Variants in BNIPL observed in about 807,000 individuals in gnomAD.
BNIPL encodes the protein bcl-2/adenovirus E1B 19 kDa-interacting protein 2-like protein.
A neutral mutation model predicts 47.0 loss-of-function variants in BNIPL; 33 were observed. The ratio of observed to expected loss-of-function variants is 0.70; its 90% confidence interval spans 0.53 to 0.94. The LOEUF is 0.94. Among genes scored for constraint, BNIPL ranks in the 40% least tolerant of loss-of-function variants. The pLI, the probability that BNIPL is intolerant of heterozygous loss-of-function variation, is 0.00. For synonymous variants in BNIPL, 145 were observed against 162.7 expected (o/e 0.89, Z 0.83); for missense variants, 404 against 445.2 (o/e 0.91, Z 0.83).
In BNIPL at chr1:151,036,655, T is replaced by G; in HGVS notation, c.-71T>G. On this transcript the variant is annotated 5_prime_UTR_variant, in exon 1 of 10. Coordinates refer to ENST00000368931, the MANE Select transcript of BNIPL (RefSeq NM_138278.4). ...AGACAGAAAAGAGGTAAGGAAGTGT[T>G]GGGGGCTGGGACAACCAGCTCCCCA... 1 of 1,382,812 alleles carries G rather than the reference T, an allele frequency of 7.2e-7. No homozygotes were observed. The highest frequency in any genetic ancestry group is 1.0e-6 in the Non-Finnish European group (1 of 970,242). 85.7% of individuals were successfully genotyped at this position (1,382,812 alleles called of 1,614,324 possible). A position where few individuals can be genotyped will look rare whatever the true frequency, so the allele number is the denominator to read the frequency against.
chr1:151,036,617 GC>G lies in BNIPL; in HGVS notation c.-108del, dbSNP rs954112023. 2.0e-4 allele frequency: 214 copies of G among 1,048,684 alleles called. No homozygotes were observed. The highest frequency in any genetic ancestry group is 4.3e-5 in the Non-Finnish European group (29 of 674,704). The allele number at this position is 1,048,684 out of a possible 1,614,324, so 65.0% of individuals were successfully genotyped here. The stretch of plus-strand genomic sequence containing the variant: ...CACACCTCCCTCCTTGGAGGCAAGA[GC>G]TACAACAGCTGAGACAGAAAAGAGG... On this transcript the variant is annotated 5_prime_UTR_variant, in exon 1 of 10. Transcript: ENST00000368931.
At chr1:151,041,025 T>A (rs962182495) in intron 4 of BNIPL, among the ~76,000 whole-genome samples, 14 of 150,676 alleles carry the variant, frequency 9.3e-5, no homozygotes, top group African/African-American at 1.5e-4. Context: ...ACAAAAAAAA[T>A]TTTTTTTAAA....
In BNIPL at chr1:151,036,653, G is replaced by A; in HGVS notation, c.-73G>A. 1 of 1,370,856 alleles carries A rather than the reference G, an allele frequency of 7.3e-7. No individual in the cohort carries two copies. The highest frequency in any genetic ancestry group is 1.2e-5 in the South Asian group (1 of 86,022). The allele number at this position is 1,370,856 out of a possible 1,614,324, so 84.9% of individuals were successfully genotyped here. On this transcript the variant is annotated 5_prime_UTR_variant, in exon 1 of 10. Transcript: ENST00000368931. ...TGAGACAGAAAAGAGGTAAGGAAGT[G>A]TTGGGGGCTGGGACAACCAGCTCCC... is the stretch of plus-strand genomic sequence containing the variant.
At position 151,043,317 on chromosome 1, in the gene BNIPL, C is replaced by T. The variant is rs1175658517; in HGVS notation, c.617-15C>T. The T allele has an allele frequency of 6.4e-7, 1 of 1,573,930 alleles. No individual in the cohort carries two copies. Among genetic ancestry groups the T allele is most frequent in the Non-Finnish European group, 8.7e-7 (1 of 1,143,670 alleles). On this transcript the variant is annotated splice_polypyrimidine_tract_variant and intron_variant, in intron 5 of 9. Coordinates refer to ENST00000368931, the MANE Select transcript of BNIPL (RefSeq NM_138278.4). ...TATTTGTTGACCAAATGAATTTTCC[C>T]CTTACACTCTCCAGGTTACCACGGT...
chr1:151,039,929 T>G (rs191449537), intron 4 of BNIPL, among the ~76,000 whole-genome samples: 270 of 152,250 alleles, frequency 1.8e-3, no homozygotes, highest in Non-Finnish European at 3.1e-3. Flanking sequence ...TTTTATATTT[T>G]TAGTAGAGAT....
chr1:151,045,289 A>AAAAAAAC, intron 7 of BNIPL, among the ~76,000 whole-genome samples: 1 of 120,774 alleles, frequency 8.3e-6, no homozygotes, highest in African/African-American at 3.4e-5. Flanking sequence ...AAAAAAAAAA[A>AAAAAAAC]ATCCGGGCGC....
intron 4 of BNIPL, 137 bp from the exon 5 acceptor site, chr1:151,042,819 A>C: frequency 3.0e-6 from 2 of 660,966 alleles, no homozygotes; most frequent in Non-Finnish European, 4.4e-6. Flanking sequence ...GTCTCAAAAA[A>C]AAGGAAAAAA....
At chr1:151,037,766 C>A (rs143226373) in intron 2 of BNIPL, 104 bp downstream of exon 2, 11 of 957,156 alleles carry the variant, frequency 1.1e-5, no homozygotes, top group Admixed American at 2.1e-5. Flanking sequence ...TTTGGGTGGC[C>A]GAGGCGGGTG....
chr1:151,046,280 C>T lies in BNIPL; in HGVS notation c.1037+115C>T, dbSNP rs1487608807. ...ACGAAAAGCTAGAGGGCCCTGTTTT[C>T]GGGTGCTTTAATGTATATGGGGAAA... On this transcript the variant is annotated intron_variant, in intron 9 of 9. Transcript: ENST00000368931. The T allele has an allele frequency of 1.2e-5, 17 of 1,468,894 alleles. No individual in the cohort carries two copies. The South Asian group carries it at 1.2e-4, about 10-fold the overall frequency. 91.0% of individuals were successfully genotyped at this position (1,468,894 alleles called of 1,614,324 possible).
chr1:151,046,110 G>T lies in BNIPL; in HGVS notation c.982G>T (p.Glu328Ter). 1 of 1,614,148 alleles carries T rather than the reference G, an allele frequency of 6.2e-7. No homozygotes were observed. The highest frequency in any genetic ancestry group is 8.5e-7 in the Non-Finnish European group (1 of 1,180,036). The change falls in exon 9 of 10, where the codon GAG (glutamate) becomes TAG (stop). Residue 328 changes from glutamate to a stop codon, truncating the protein, a stop_gained. Coordinates refer to ENST00000368931, the MANE Select transcript of BNIPL (RefSeq NM_138278.4). LOFTEE classifies it high-confidence loss of function. ...AATCCGTTTTCTGGACAGCCTGGGG[G>T]AGCTGGCCCAACTCATATCCCTGGA... ...RKIRFLDSLG[E>*]LAQLISLDQV...
intron 7 of BNIPL, chr1:151,044,966 G>A: frequency 7.8e-7 from 1 of 1,284,568 alleles, no homozygotes; most frequent in Non-Finnish European, 1.0e-6. Context: ...TGGAAATGGA[G>A]CAGAAAAAGA....
Position 151,043,110 on chromosome 1 carries a change from G to A in BNIPL, c.588G>A (p.Glu196=), listed in dbSNP as rs1169539017. The A allele has an allele frequency of 6.2e-7, 1 of 1,613,428 alleles. No homozygotes were observed. Residue 196 remains glutamate, a synonymous_variant, in exon 5 of 10, where the codon GAG becomes GAA. Coordinates refer to ENST00000368931, the MANE Select transcript of BNIPL (RefSeq NM_138278.4). ...AGCGCGTAGACATGACTGTCATTGA[G>A]CCCTATAAGAAAGTCCTGTCTCATG... The part of the protein sequence containing the change: ...REQRVDMTVI[E]PYKKVLSHGG...
intron 2 of BNIPL, 48 bp from the exon 3 acceptor site, chr1:151,038,456 A>T (rs1305169028): frequency 4.3e-6 from 6 of 1,390,744 alleles, no homozygotes; most frequent in Non-Finnish European, 4.1e-6. Flanking sequence ...TCCTGGCTTG[A>T]TGCCTTTGGT....
chr1:151,041,185 A>C (rs77917998), intron 4 of BNIPL, among the ~76,000 whole-genome samples: 1 of 150,268 alleles, frequency 6.7e-6, no homozygotes. Flanking sequence ...ACCCTGTCTC[A>C]AAAAAAAAGG....
intron 1 of BNIPL, among the ~76,000 whole-genome samples, chr1:151,037,067 GC>G (rs1170838731): frequency 6.6e-6 from 1 of 152,092 alleles, no homozygotes; most frequent in Non-Finnish European, 1.5e-5. Context: ...CTCCAGAATG[GC>G]CATCAGGAAA....
intron 1 of BNIPL, chr1:151,037,219 G>A (rs752580509): frequency 3.6e-6 from 2 of 553,606 alleles, no homozygotes; most frequent in Non-Finnish European, 4.9e-6. Flanking sequence ...GCCTAACTAG[G>A]TACCGTCTTC....
intron 1 of BNIPL, 94 bp downstream of exon 1, chr1:151,036,860 G>A: frequency 7.9e-7 from 1 of 1,272,852 alleles, no homozygotes; most frequent in African/African-American, 1.5e-5. Flanking sequence ...TCAAATCTCG[G>A]GTTCCTCAAG....
chr1:151,046,505 G>A, intron 9 of BNIPL, 146 bp from the exon 10 acceptor site: 1 of 723,038 alleles, frequency 1.4e-6, no homozygotes, highest in Non-Finnish European at 2.3e-6. Context: ...TGGGGGAGAG[G>A]GTGTTAGGGA....
intron 1 of BNIPL, among the ~76,000 whole-genome samples, chr1:151,036,973 C>T (rs1463356852): frequency 1.3e-5 from 2 of 152,058 alleles, no homozygotes; most frequent in Non-Finnish European, 2.9e-5. Context: ...CAGGATAATT[C>T]CCTGGTTTAA....
Sources: gnomAD v4.1 joint callset for allele counts (sites outside exome capture counted in the v4.1 genomes callset) on GRCh38, gnomAD v4.1.1 for gene constraint, MANE v1.5 for transcripts, NCBI Gene and HGNC (gene_info 2026-07-23, HGNC 2026-07-21) for gene names.